MIGA1: variants seen among roughly 807,000 people sequenced by gnomAD.
MIGA1 encodes the protein family with sequence similarity 73, member A.
A neutral mutation model predicts 82.0 loss-of-function variants in MIGA1; 58 were observed. That is an observed-to-expected ratio of 0.71 (90% CI 0.57 to 0.88). The LOEUF (loss-of-function observed/expected upper bound fraction) is 0.88, where lower values mean the gene tolerates loss of function less well. Among genes scored for constraint, MIGA1 ranks in the 40% least tolerant of loss-of-function variants. The probability of loss-of-function intolerance (pLI) is 0.00; values close to 1 mark genes in which losing one functional copy is unlikely to be tolerated. For synonymous variants in MIGA1, 249 were observed against 253.6 expected (o/e 0.98, Z 0.17); for missense variants, 751 against 749.1 (o/e 1.00, Z -0.03).
At chr1:77,791,590 G>T in intron 2 of MIGA1, among the ~76,000 whole-genome samples, 1 of 134,124 alleles carries the variant, frequency 7.5e-6, no homozygotes, top group African/African-American at 2.8e-5. Context: ...TTTAAACAGA[G>T]TCTTGCTCTG....
At chr1:77,847,635 C>T in intron 8 of MIGA1, 2 of 1,558,862 alleles carry the variant, frequency 1.3e-6, no homozygotes, top group Non-Finnish European at 8.8e-7. Context: ...GGCTGCTGCG[C>T]TGGAAGCGTG....
chr1:77,810,038 A>C lies in MIGA1; in HGVS notation c.637+2937A>C, dbSNP rs549229996. On this transcript the variant is annotated intron_variant, in intron 5 of 15. Coordinates refer to ENST00000370791, the MANE Select transcript of MIGA1 (RefSeq NM_198549.4). ...GCAGTATCTCGTTAGCATCTGACTC[A>C]ATTATTTTTAGATTACATTGTTTAG... Among the ~76,000 whole-genome samples the C allele has an allele frequency of 3.3e-4, 50 of 152,096 alleles. 1 individual carries two copies. In the Middle Eastern group the frequency reaches 0.014, roughly 41 times the overall value.
chr1:77,837,711 A>G (rs1684484176), intron 7 of MIGA1, among the ~76,000 whole-genome samples: 2 of 152,194 alleles, frequency 1.3e-5, no homozygotes, highest in African/African-American at 4.8e-5. Flanking sequence ...CCTTCTTGAA[A>G]GTGTTTGGTT....
intron 4 of MIGA1, among the ~76,000 whole-genome samples, chr1:77,804,440 G>A (rs1054003649): frequency 2.0e-5 from 3 of 152,068 alleles, no homozygotes; most frequent in Non-Finnish European, 2.9e-5. Flanking sequence ...ATGAGAGCTG[G>A]GTGCTGTGGT....
Position 77,801,349 on chromosome 1 carries a change from G to T in MIGA1, c.214G>T (p.Ala72Ser). The T allele has an allele frequency of 7.1e-6, 11 of 1,549,708 alleles. No individual in the cohort carries two copies. The highest frequency in any genetic ancestry group is 9.5e-6 in the Non-Finnish European group (11 of 1,158,422). ...TTTCCAGATCAAATTTTCTCCGGTG[G>T]CTAAAAAGTTGTTTGTGGTAACTGC... The change falls in exon 3 of 16, where the codon GCT (alanine) becomes TCT (serine). Residue 72 changes from alanine (A) to serine (S), a missense_variant. Ala to Ser is a moderately conservative substitution (Grantham distance 99). Coordinates refer to ENST00000370791, the MANE Select transcript of MIGA1 (RefSeq NM_198549.4).
At chr1:77,784,773 T>G (rs112701842) in intron 2 of MIGA1, among the ~76,000 whole-genome samples, 6,024 of 152,264 alleles carry the variant, frequency 0.04, 138 homozygotes, top group Middle Eastern at 0.078. Flanking sequence ...AGACGTTTAT[T>G]GGACTCACAG....
intron 7 of MIGA1, among the ~76,000 whole-genome samples, chr1:77,815,499 TAA>T (rs940924657): frequency 9.9e-5 from 15 of 152,232 alleles, no homozygotes; most frequent in African/African-American, 3.6e-4. Flanking sequence ...AAAATCTAGT[TAA>T]GAGTGTTGGA....
chr1:77,847,664 G>A (rs1684896098), intron 8 of MIGA1: 5 of 1,570,326 alleles, frequency 3.2e-6, no homozygotes, highest in Non-Finnish European at 2.6e-6. Flanking sequence ...TAACCAAGCA[G>A]AAAGATCTCA....
At position 77,875,058 on chromosome 1, in the gene MIGA1, A is replaced by G. The variant is rs1557943046; in HGVS notation, c.1893A>G (p.Val631=). The change falls in exon 16 of 16, where the codon GTA becomes GTG. Residue 631 remains valine (V), a synonymous_variant. Coordinates refer to ENST00000370791, the MANE Select transcript of MIGA1 (RefSeq NM_198549.4). ...CCACTGGGCTACTGGAAGCCAAAGTACAATAAGTACCATAAGAATCATACA... is the reference window on the plus strand; with the variant it reads ...CCACTGGGCTACTGGAAGCCAAAGTGCAATAAGTACCATAAGAATCATACA... The G allele has an allele frequency of 6.2e-7, 1 of 1,608,250 alleles. No homozygotes were observed. The highest frequency in any genetic ancestry group is 8.5e-7 in the Non-Finnish European group (1 of 1,174,778).
At chr1:77,810,637 T>C (rs555574132) in intron 5 of MIGA1, among the ~76,000 whole-genome samples, 28 of 151,976 alleles carry the variant, frequency 1.8e-4, no homozygotes, top group African/African-American at 6.0e-4. Flanking sequence ...AGTAAAAACA[T>C]GTTTCAAAAT....
intron 8 of MIGA1, among the ~76,000 whole-genome samples, chr1:77,849,394 C>CT (rs1280987930): frequency 6.6e-6 from 1 of 151,964 alleles, no homozygotes; most frequent in African/African-American, 2.4e-5. Flanking sequence ...GACCCTGTCT[C>CT]TAAAAAAAAC....
Position 77,779,698 on chromosome 1 carries a change from G to A in MIGA1, c.43G>A (p.Gly15Ser), listed in dbSNP as rs750751779. Residue 15 changes from glycine (G) to serine (S), a missense_variant, in exon 1 of 16, where the codon GGC becomes AGC. Around this residue, in one of 3 missense-constraint regions of MIGA1, gnomAD observed 482 missense variants for 439.4 expected, o/e 1.10. Coordinates refer to ENST00000370791, the MANE Select transcript of MIGA1 (RefSeq NM_198549.4). The stretch of plus-strand genomic sequence containing the variant: ...AGCGCCAGGCATCAGCTGGGAAGCT[G>A]GCGTGGGCAGGCCAGCTGTACCTGG... The A allele has an allele frequency of 6.3e-7, 1 of 1,589,892 alleles. No homozygotes were observed. The highest frequency in any genetic ancestry group is 8.6e-7 in the Non-Finnish European group (1 of 1,168,318).
At chr1:77,867,785 A>G (rs920767151) in intron 14 of MIGA1, among the ~76,000 whole-genome samples, 2 of 152,252 alleles carry the variant, frequency 1.3e-5, no homozygotes, top group South Asian at 2.1e-4. Flanking sequence ...TTGAGACAGT[A>G]TTGCCAGTTG....
intron 1 of MIGA1, 22 bp downstream of exon 1, chr1:77,779,758 G>C: frequency 6.5e-7 from 1 of 1,542,382 alleles, no homozygotes; most frequent in South Asian, 1.2e-5. Flanking sequence ...GGGGCGGGGT[G>C]GGGTGGAGAG....
In MIGA1 at chr1:77,841,737, C is replaced by CTTTCTTTTCTTTTCT. The variant is rs71075766; in HGVS notation, c.896-1567_896-1553dup. Among the ~76,000 whole-genome samples, 4 of 148,796 alleles carry CTTTCTTTTCTTTTCT rather than the reference C, an allele frequency of 2.7e-5. No individual in the cohort carries two copies. In the Admixed American group the frequency reaches 2.7e-4, roughly 10 times the overall value. On this transcript the variant is annotated intron_variant, in intron 7 of 15. Coordinates refer to ENST00000370791, the MANE Select transcript of MIGA1 (RefSeq NM_198549.4). Reference sequence around the variant, plus strand: ...TCAAAGCCAAGGAGACTTCTGCTTTCTTTCTTTTCTTTTCTTTCTTTGTTC... The same window carrying CTTTCTTTTCTTTTCT: ...TCAAAGCCAAGGAGACTTCTGCTTTCTTTCTTTTCTTTTCTTTTCTTTTCTTTTCTTTCTTTGTTC...
chr1:77,859,501 T>C (rs1685386493), intron 10 of MIGA1, 115 bp downstream of exon 10: 2 of 702,604 alleles, frequency 2.8e-6, no homozygotes, highest in Admixed American at 4.6e-5. Context: ...CTATTCCTAA[T>C]GACAAATATA....
chr1:77,809,374 G>A (rs1258190069), intron 5 of MIGA1, among the ~76,000 whole-genome samples: 1 of 152,134 alleles, frequency 6.6e-6, no homozygotes, highest in African/African-American at 2.4e-5. Context: ...ACTATATAGT[G>A]AGGTAGACAT....
intron 7 of MIGA1, among the ~76,000 whole-genome samples, chr1:77,829,341 C>T (rs911772263): frequency 6.6e-6 from 1 of 152,120 alleles, no homozygotes; most frequent in Admixed American, 6.6e-5. Context: ...GTCTCAGCTA[C>T]TTGGGAGGCT....
At chr1:77,814,573 A>G (rs942885416) in intron 6 of MIGA1, among the ~76,000 whole-genome samples, 2 of 152,150 alleles carry the variant, frequency 1.3e-5, no homozygotes, top group Non-Finnish European at 2.9e-5. Context: ...GGAATTTTTT[A>G]AAGTTTGATT....
Sources: gnomAD v4.1 joint callset for allele counts (sites outside exome capture counted in the v4.1 genomes callset) on GRCh38, gnomAD v4.1.1 for gene constraint, gnomAD v4.1.1 regional missense constraint, MANE v1.5 for transcripts, NCBI Gene and HGNC (gene_info 2026-07-23, HGNC 2026-07-21) for gene names.